MACROD2: variants seen among roughly 807,000 people sequenced by gnomAD.
The protein encoded by MACROD2 is mono-ADP ribosylhydrolase 2, also known as ADP-ribose glycohydrolase MACROD2.
In MACROD2, 36 loss-of-function variants were observed where a neutral mutation model predicts 70.4. The observed-to-expected ratio is 0.51, with a 90% CI of 0.39 to 0.68. The LOEUF (loss-of-function observed/expected upper bound fraction) is 0.68. MACROD2 is among the 30% of genes least tolerant of loss of function. MACROD2 has a pLI of 0.00. For missense variants in MACROD2, 496 were observed against 538.4 expected (o/e 0.92, Z 0.78); for synonymous variants, 172 against 178.8 (o/e 0.96, Z 0.30).
At chr20:15,342,043 G>A (rs536531747) in intron 6 of MACROD2, among the ~76,000 whole-genome samples, 1 of 152,066 alleles carries the variant, frequency 6.6e-6, no homozygotes, top group East Asian at 1.9e-4. Flanking sequence ...AACAAAGCGA[G>A]ACCCTGCCCC....
intron 6 of MACROD2, among the ~76,000 whole-genome samples, chr20:15,346,885 A>T (rs116427385): frequency 0.032 from 4,867 of 152,242 alleles, 284 homozygotes; most frequent in African/African-American, 0.11. Context: ...ATGGGAGTAT[A>T]TTTAGTCTGA....
chr20:14,470,283 T>C (rs2084512543), intron 3 of MACROD2, among the ~76,000 whole-genome samples: 1 of 152,146 alleles, frequency 6.6e-6, no homozygotes, highest in Non-Finnish European at 1.5e-5. Flanking sequence ...GATTGCTGTC[T>C]TTTCCTTCCT....
chr20:14,040,938 A>G (rs888410117), intron 2 of MACROD2, among the ~76,000 whole-genome samples: 1 of 152,184 alleles, frequency 6.6e-6, no homozygotes, highest in Non-Finnish European at 1.5e-5. Context: ...ATTTTCTTTT[A>G]GTAGAAAGTT....
At chr20:15,780,541 T>C (rs1234461674) in intron 8 of MACROD2, among the ~76,000 whole-genome samples, 1 of 152,146 alleles carries the variant, frequency 6.6e-6, no homozygotes, top group African/African-American at 2.4e-5. Flanking sequence ...AGGCAAGGCT[T>C]TATCACGTAA....
intron 8 of MACROD2, among the ~76,000 whole-genome samples, chr20:15,671,067 C>T (rs1192515956): frequency 6.6e-6 from 1 of 152,202 alleles, no homozygotes; most frequent in Non-Finnish European, 1.5e-5. Context: ...CTCAGCTGAT[C>T]TCTGCCTGGG....
intron 5 of MACROD2, among the ~76,000 whole-genome samples, chr20:14,788,968 C>T (rs1483240784): frequency 6.6e-6 from 1 of 151,700 alleles, no homozygotes; most frequent in Non-Finnish European, 1.5e-5. Flanking sequence ...GGGGTTTCAC[C>T]ATGTTGGTCA....
At chr20:15,306,606 A>G (rs543039423) in intron 6 of MACROD2, among the ~76,000 whole-genome samples, 22 of 152,192 alleles carry the variant, frequency 1.4e-4, no homozygotes, top group South Asian at 6.2e-4. Flanking sequence ...CTCAGGGTCT[A>G]TTTTCTTCCC....
At chr20:14,931,834 T>TAA (rs112239172) in intron 5 of MACROD2, among the ~76,000 whole-genome samples, 31,044 of 146,596 alleles carry the variant, frequency 0.21, 3,345 homozygotes, top group Non-Finnish European at 0.25. Context: ...CCCCATCTCT[T>TAA]AAAAAAAAAA....
chr20:15,337,692 T>C (rs2078063417), intron 6 of MACROD2, among the ~76,000 whole-genome samples: 1 of 151,564 alleles, frequency 6.6e-6, no homozygotes, highest in Non-Finnish European at 1.5e-5. Flanking sequence ...TGTTGTAATG[T>C]ACAATAGGTC....
chr20:15,602,908 T>A (rs544679042), intron 8 of MACROD2, among the ~76,000 whole-genome samples: 1 of 150,362 alleles, frequency 6.7e-6, no homozygotes, highest in East Asian at 2.0e-4. Flanking sequence ...TTTTTTAATA[T>A]GTCCCAGAAA....
intron 3 of MACROD2, among the ~76,000 whole-genome samples, chr20:14,275,622 T>G (rs1426818894): frequency 1.3e-5 from 2 of 151,666 alleles, no homozygotes; most frequent in African/African-American, 4.8e-5. Context: ...AAAGCCAAAA[T>G]TGACAAATGG....
chr20:14,849,400 C>T (rs533172093), intron 5 of MACROD2, among the ~76,000 whole-genome samples: 9 of 152,152 alleles, frequency 5.9e-5, no homozygotes, highest in South Asian at 2.1e-4. Flanking sequence ...GTTGATGTTG[C>T]GACTCTAACT....
At chr20:14,664,818 A>C (rs888032335) in intron 4 of MACROD2, among the ~76,000 whole-genome samples, 2 of 150,838 alleles carry the variant, frequency 1.3e-5, no homozygotes, top group Admixed American at 6.6e-5. Context: ...ACAAATAAGG[A>C]AACTGAGGCC....
At chr20:14,282,807 A>T (rs6033932) in intron 3 of MACROD2, among the ~76,000 whole-genome samples, 100,004 of 151,972 alleles carry the variant, frequency 0.66, 33,771 homozygotes, top group Non-Finnish European at 0.74. Context: ...AAATGACCAG[A>T]TCACGTGAGA....
chr20:16,015,444 C>T (rs6135638), intron 15 of MACROD2, among the ~76,000 whole-genome samples: 12,541 of 152,142 alleles, frequency 0.082, 989 homozygotes, highest in East Asian at 0.21. Flanking sequence ...TCTGTTTATC[C>T]ACTTTAAACA....
At chr20:15,007,800 C>G (rs1600940526) in intron 5 of MACROD2, among the ~76,000 whole-genome samples, 1 of 152,362 alleles carries the variant, frequency 6.6e-6, no homozygotes, top group Admixed American at 6.5e-5. Flanking sequence ...CCTTTTAACA[C>G]TCTCAGGGAC....
Position 13,995,655 on chromosome 20 carries a change from A to C in MACROD2, c.-109A>C, listed in dbSNP as rs1233398231. On this transcript the variant is annotated 5_prime_UTR_variant, in exon 1 of 18. Coordinates refer to ENST00000684519, the MANE Select transcript of MACROD2 (RefSeq NM_001351661.2). The surrounding 1 kb of genome is among the most constrained non-coding windows in gnomAD (Gnocchi z 4.3). The stretch of plus-strand genomic sequence containing the variant: ...CAGCGCAGGACGCAGAGCCTCTTTC[A>C]CTTTTTCCCTGCTGAGTGCCCCCTC... The C allele has an allele frequency of 2.1e-6, 2 of 961,324 alleles. No homozygotes were observed. Among genetic ancestry groups the C allele is most frequent in the African/African-American group, 3.2e-5 (2 of 62,464 alleles). The allele number at this position is 961,324 out of a possible 1,614,324, so 59.5% of individuals were successfully genotyped here.
At chr20:15,290,768 G>A (rs77405526) in intron 6 of MACROD2, among the ~76,000 whole-genome samples, 2,410 of 152,282 alleles carry the variant, frequency 0.016, 71 homozygotes, top group African/African-American at 0.054. Flanking sequence ...CTGGGCAAAG[G>A]AAGGAGCTGT....
intron 5 of MACROD2, among the ~76,000 whole-genome samples, chr20:14,951,277 A>G (rs1409437766): frequency 4.6e-5 from 7 of 152,028 alleles, no homozygotes; most frequent in African/African-American, 1.7e-4. Flanking sequence ...TTCTTACAGA[A>G]CTGGGGTATC....
Sources: gnomAD v4.1 joint callset for allele counts (sites outside exome capture counted in the v4.1 genomes callset) on GRCh38, gnomAD v4.1.1 for gene constraint, Gnocchi (gnomAD v3.1) non-coding constraint, MANE v1.5 for transcripts, NCBI Gene and HGNC (gene_info 2026-07-23, HGNC 2026-07-21) for gene names.